RBL2: variants seen among roughly 807,000 people sequenced by gnomAD.
The protein encoded by RBL2 is retinoblastoma-like protein 2.
RBL2 carries 56 observed loss-of-function variants against 126.0 expected under a neutral mutation model. The observed-to-expected ratio is 0.44, with a 90% CI of 0.36 to 0.56. The LOEUF (loss-of-function observed/expected upper bound fraction) is 0.56, where lower values mean the gene tolerates loss of function less well. Among genes scored for constraint, RBL2 ranks in the 20% least tolerant of loss-of-function variants. The pLI is 0.00. For missense variants in RBL2, 1,229 were observed against 1,398.2 expected (o/e 0.88, Z 1.93); for synonymous variants, 454 against 478.5 (o/e 0.95, Z 0.67).
rs1285110114 is a variant in RBL2, at chr16:53,465,733, T to G, written c.1863+131T>G. 5.8e-5 allele frequency: 41 copies of G among 707,796 alleles called. No individual in the cohort carries two copies. The East Asian group carries it at 1.3e-3, about 23-fold the overall frequency. 43.8% of individuals were successfully genotyped at this position (707,796 alleles called of 1,614,324 possible). ...TTACACCTTGTTATGAGAAAAATCT[T>G]GGACTGTAACGTCCCTCTCTACCCA... On this transcript the variant is annotated intron_variant, in intron 13 of 21. Coordinates refer to ENST00000262133, the MANE Select transcript of RBL2 (RefSeq NM_005611.4).
At chr16:53,455,209 AAAATGAGGAT>A (rs2058155578) in intron 8 of RBL2, among the ~76,000 whole-genome samples, 1 of 152,212 alleles carries the variant, frequency 6.6e-6, no homozygotes, top group African/African-American at 2.4e-5. Flanking sequence ...GAGACTGGAG[AAAATGAGGAT>A]CTACAGTCTT....
At chr16:53,462,228 G>C (rs1302774840) in intron 10 of RBL2, among the ~76,000 whole-genome samples, 1 of 152,124 alleles carries the variant, frequency 6.6e-6, no homozygotes, top group Non-Finnish European at 1.5e-5. Context: ...AACTAAGTAG[G>C]TGTGGACTAG....
At chr16:53,465,775 C>A in intron 13 of RBL2, 173 bp downstream of exon 13, 1 of 468,760 alleles carries the variant, frequency 2.1e-6, no homozygotes, top group Non-Finnish European at 3.6e-6. Context: ...GGGAAGGTGC[C>A]AAGAGACCAA....
At chr16:53,447,189 T>C in intron 4 of RBL2, 83 bp downstream of exon 4, 1 of 694,456 alleles carries the variant, frequency 1.4e-6, no homozygotes, top group African/African-American at 1.9e-5. Flanking sequence ...CTAATATGTA[T>C]CAGGAAAAGA....
At position 53,442,712 on chromosome 16, in the gene RBL2, C is replaced by G. The variant is rs1306368355; in HGVS notation, c.426C>G (p.Pro142=). The part of the protein sequence containing the change: ...MKKWEDMANL[P]PHFRERTERL... ...AGTGGGAAGACATGGCAAATCTACCCCCACATTTCAGAGAACGTACTGAGA... is the reference window on the plus strand; with the variant it reads ...AGTGGGAAGACATGGCAAATCTACCGCCACATTTCAGAGAACGTACTGAGA... Residue 142 remains proline, a synonymous_variant, in exon 3 of 22, where the codon CCC becomes CCG. Transcript: ENST00000262133. The G allele has an allele frequency of 6.8e-6, 11 of 1,613,844 alleles. No individual in the cohort carries two copies. Among genetic ancestry groups the G allele is most frequent in the South Asian group, 1.1e-5 (1 of 91,020 alleles).
intron 3 of RBL2, among the ~76,000 whole-genome samples, chr16:53,445,560 G>A (rs1393683291): frequency 6.6e-6 from 1 of 152,106 alleles, no homozygotes; most frequent in Non-Finnish European, 1.5e-5. Context: ...CCGCAGAGAG[G>A]TTAAGTAATT....
At chr16:53,478,307 G>A (rs889916688) in intron 17 of RBL2, among the ~76,000 whole-genome samples, 1 of 152,040 alleles carries the variant, frequency 6.6e-6, no homozygotes, top group Admixed American at 6.6e-5. Flanking sequence ...ATCTGGGTAC[G>A]GATGAGTTTA....
At chr16:53,444,847 C>T (rs1286648655) in intron 3 of RBL2, among the ~76,000 whole-genome samples, 2 of 151,960 alleles carry the variant, frequency 1.3e-5, no homozygotes, top group Non-Finnish European at 2.9e-5. Context: ...GACTTCGTCT[C>T]CAAATAAATA....
rs148034850 is a variant in RBL2 at position 53,447,230 on chromosome 16, A to G, written c.637+124A>G. 911 of 501,850 alleles carry G rather than the reference A, an allele frequency of 1.8e-3. 7 individuals carry two copies. The highest frequency in any genetic ancestry group is 0.017 in the African/African-American group (845 of 50,052). The allele number at this position is 501,850 out of a possible 1,614,324, so 31.1% of individuals were successfully genotyped here. On this transcript the variant is annotated intron_variant, in intron 4 of 21. Coordinates refer to ENST00000262133, the MANE Select transcript of RBL2 (RefSeq NM_005611.4). ...ACTGAAAATTTTCTCAAGGGTTTTA[A>G]TCCTAGATTCTTTTTTAAGTATTGC...
rs201464797 is a variant in RBL2 at position 53,464,254 on chromosome 16, G to C, written c.1589G>C (p.Arg530Thr). ...SGILEQDAFH[R>T]SLLACCLEVV... ...ATTCTGGAACAAGATGCGTTCCACA[G>C]ATCTCTCTTGGCCTGCTGCCTTGAG... The change falls in exon 12 of 22, where the codon AGA becomes ACA. Residue 530 changes from arginine to threonine, a missense_variant. Physicochemically the swap from Arg to Thr is moderately conservative, Grantham distance 71 (BLOSUM62 -1). Transcript: ENST00000262133. 5 of 1,594,966 alleles carry C rather than the reference G, an allele frequency of 3.1e-6. No individual in the cohort carries two copies. Among genetic ancestry groups the C allele is most frequent in the South Asian group, 1.1e-5 (1 of 88,104 alleles).
intron 7 of RBL2, 139 bp downstream of exon 7, chr16:53,453,908 C>G: frequency 1.4e-6 from 1 of 709,214 alleles, no homozygotes; most frequent in African/African-American, 1.8e-5. Flanking sequence ...AAAATTCTGT[C>G]ACCTAAATAT....
Position 53,481,736 on chromosome 16 carries a change from G to A in RBL2, c.3150G>A (p.Leu1050=). The A allele has an allele frequency of 6.2e-7, 1 of 1,605,716 alleles. No individual in the cohort carries two copies. Among genetic ancestry groups the A allele is most frequent in the African/African-American group, 1.3e-5 (1 of 74,562 alleles). The change falls in exon 21 of 22, where the codon TTG becomes TTA. Residue 1050 remains leucine (L), a synonymous_variant. Transcript: ENST00000262133. ...CAGGCTCCCCTCGCCGAATACAGTT[G>A]TCTCAAAATCATCCTGTCTACATTT... ...VRTGSPRRIQ[L]SQNHPVYISP...
At chr16:53,441,774 T>A (rs1468710406) in intron 2 of RBL2, among the ~76,000 whole-genome samples, 2 of 152,060 alleles carry the variant, frequency 1.3e-5, no homozygotes, top group Non-Finnish European at 2.9e-5. Flanking sequence ...AGGGTAAGGA[T>A]GGGATTAGGG....
chr16:53,486,514 A>G (rs1295069614), intron 21 of RBL2, among the ~76,000 whole-genome samples: 2 of 152,212 alleles, frequency 1.3e-5, no homozygotes, highest in South Asian at 2.1e-4. Flanking sequence ...AATAATGCCA[A>G]TTCTATAGAA....
At position 53,451,669 on chromosome 16, in the gene RBL2, T is replaced by C. The variant is rs761617948; in HGVS notation, c.638-34T>C. 5.6e-6 allele frequency: 9 copies of C among 1,596,362 alleles called. No individual in the cohort carries two copies. The African/African-American group carries it at 1.1e-4, about 19-fold the overall frequency. ...TTTAAAAATGTTACAAAGTCAATGC[T>C]AATTTAACTCTGTAACTGCTTATAA... On this transcript the variant is annotated intron_variant, in intron 4 of 21. Transcript: ENST00000262133.
Position 53,470,005 on chromosome 16 carries a change from C to T in RBL2, c.2065C>T (p.Pro689Ser), listed in dbSNP as rs2058306511. 1.2e-6 allele frequency: 2 copies of T among 1,614,188 alleles called. No individual in the cohort carries two copies. Among genetic ancestry groups the T allele is most frequent in the African/African-American group, 2.7e-5 (2 of 75,058 alleles). Residue 689 changes from proline to serine, a missense_variant, in exon 15 of 22, where the codon CCC (proline) becomes TCC (serine). Coordinates refer to ENST00000262133, the MANE Select transcript of RBL2 (RefSeq NM_005611.4). Reference sequence around the variant, plus strand: ...GCGGCTATTTGTTGAGAATGATAGCCCCTCTGATGGAGGGACGCCTGGGCG... The same window carrying T: ...GCGGCTATTTGTTGAGAATGATAGCTCCTCTGATGGAGGGACGCCTGGGCG... ...RRRLFVENDS[P>S]SDGGTPGRMP...
chr16:53,467,711 C>G (rs559491703), intron 14 of RBL2, among the ~76,000 whole-genome samples: 1 of 152,126 alleles, frequency 6.6e-6, no homozygotes, highest in Admixed American at 6.5e-5. Context: ...TTAATATGAT[C>G]CCTATTTTTA....
At position 53,490,419 on chromosome 16, in the gene RBL2, G is replaced by A; in HGVS notation, c.*119G>A. On this transcript the variant is annotated 3_prime_UTR_variant, in exon 22 of 22. Coordinates refer to ENST00000262133, the MANE Select transcript of RBL2 (RefSeq NM_005611.4). ...ATGAGTTACAGCCTGTTAGTAACAT[G>A]AGGGGACATTTTGGTGAGAAATGGG... 1.2e-6 allele frequency: 1 copy of A among 844,606 alleles called. No homozygotes were observed. The highest frequency in any genetic ancestry group is 1.7e-6 in the Non-Finnish European group (1 of 584,126). The allele number at this position is 844,606 out of a possible 1,614,324, so 52.3% of individuals were successfully genotyped here. A position where few individuals can be genotyped will look rare whatever the true frequency, so the allele number is the denominator to read the frequency against.
In RBL2 at chr16:53,490,519, T is replaced by A; in HGVS notation, c.*219T>A. ...CTTTTTTTCCCTACCATTCAGTGATTACTGTCAAGGCTGCTTAGAATCCAA... is the reference window on the plus strand; with the variant it reads ...CTTTTTTTCCCTACCATTCAGTGATAACTGTCAAGGCTGCTTAGAATCCAA... On this transcript the variant is annotated 3_prime_UTR_variant, in exon 22 of 22. Coordinates refer to ENST00000262133, the MANE Select transcript of RBL2 (RefSeq NM_005611.4). 2.6e-6 allele frequency: 1 copy of A among 388,028 alleles called. No individual in the cohort carries two copies. Among genetic ancestry groups the A allele is most frequent in the Non-Finnish European group, 4.5e-6 (1 of 220,740 alleles). 24.0% of individuals were successfully genotyped at this position (388,028 alleles called of 1,614,324 possible).
Sources: gnomAD v4.1 joint callset for allele counts (sites outside exome capture counted in the v4.1 genomes callset) on GRCh38, gnomAD v4.1.1 for gene constraint, MANE v1.5 for transcripts, NCBI Gene and HGNC (gene_info 2026-07-23, HGNC 2026-07-21) for gene names.